Variants in SEC14L4 observed in about 807,000 individuals in gnomAD.
SEC14L4 encodes SEC14 like lipid binding 4.
A neutral mutation model predicts 55.1 loss-of-function variants in SEC14L4; 42 were observed. That is an observed-to-expected ratio of 0.76 (90% CI 0.60 to 0.99). SEC14L4 has a LOEUF of 0.99. SEC14L4 is among the 50% of genes least tolerant of loss of function. The pLI is 0.00. For missense variants in SEC14L4, 445 were observed against 512.1 expected, an observed-to-expected ratio of 0.87 and a Z score of 1.27; for synonymous variants, 206 against 206.8, an observed-to-expected ratio of 1.00 and a Z score of 0.03.
intron 2 of SEC14L4, among the ~76,000 whole-genome samples, chr22:30,499,646 C>T (rs998371858): frequency 2.6e-5 from 4 of 151,076 alleles, no homozygotes; most frequent in African/African-American, 7.3e-5. Flanking sequence ...GGCTGAGGCA[C>T]GAGAATCACT....
chr22:30,494,172 C>T lies in SEC14L4; in HGVS notation c.558G>A (p.Leu186=). ...SILEANYPET[L]KNLIVIRAPK... ...TACCTCGAATAACAATTAAATTCTTCAGGGTCTCAGGATAATTTGCTTCCA... is the reference window on the plus strand; with the variant it reads ...TACCTCGAATAACAATTAAATTCTTTAGGGTCTCAGGATAATTTGCTTCCA... Residue 186 remains leucine (L), a synonymous_variant, in exon 7 of 12, where the codon CTG becomes CTA. Transcript: ENST00000255858. 6.2e-7 allele frequency: 1 copy of T among 1,613,818 alleles called. No individual in the cohort carries two copies. Among genetic ancestry groups the T allele is most frequent in the South Asian group, 1.1e-5 (1 of 91,072 alleles).
At chr22:30,495,808 C>T (rs1273303872) in intron 3 of SEC14L4, 120 bp downstream of exon 3, 15 of 1,589,880 alleles carry the variant, frequency 9.4e-6, no homozygotes, top group East Asian at 2.2e-5. Flanking sequence ...AGAAAGAGAT[C>T]GGGGGAGGAA....
Position 30,492,460 on chromosome 22 carries a change from G to A in SEC14L4, c.664+14C>T. ...CCAGGCAGATGGACACAACCAGGGGGCCACGTCGCTCACCTCCCAGAATCA... is the reference window on the plus strand; with the variant it reads ...CCAGGCAGATGGACACAACCAGGGGACCACGTCGCTCACCTCCCAGAATCA... On this transcript the variant is annotated intron_variant, in intron 8 of 11. Coordinates refer to ENST00000255858, the MANE Select transcript of SEC14L4 (RefSeq NM_174977.4). 3.1e-6 allele frequency: 5 copies of A among 1,607,892 alleles called. No individual in the cohort carries two copies. The highest frequency in any genetic ancestry group is 4.3e-6 in the Non-Finnish European group (5 of 1,174,354).
rs898869609 is a variant in SEC14L4 at position 30,496,567 on chromosome 22, C to CCG, written c.131-597_131-596insCG. Among the ~76,000 whole-genome samples, 120 of 152,210 alleles carry CCG rather than the reference C, an allele frequency of 7.9e-4. 1 individual carries two copies. Among genetic ancestry groups the CCG allele is most frequent in the South Asian group, 2.7e-3 (13 of 4,814 alleles). On this transcript the variant is annotated intron_variant, in intron 2 of 11. Transcript: ENST00000255858. Reference sequence around the variant, plus strand: ...TCCCTCAGGAAGCAGAGACACCCCCCCCCACCACCTGCACAGTGTTAGGGT... The same window carrying CCG: ...TCCCTCAGGAAGCAGAGACACCCCCCCGCCCACCACCTGCACAGTGTTAGGGT...
At position 30,495,423 on chromosome 22, in the gene SEC14L4, G is replaced by A. The variant is rs145663781; in HGVS notation, c.254C>T (p.Ser85Leu). Residue 85 changes from serine (S) to leucine (L), a missense_variant, in exon 5 of 12, where the codon TCG becomes TTG. Coordinates refer to ENST00000255858, the MANE Select transcript of SEC14L4 (RefSeq NM_174977.4). The stretch of plus-strand genomic sequence containing the variant: ...GTAGTCGTAGCCACAAAGACCACCC[G>A]AGTCATACAGCTGGATGACCTGGAA... ...QPPEVIQLYD[S>L]GGLCGYDYEG... is the part of the protein sequence containing the mutation. 5.3e-5 allele frequency: 85 copies of A among 1,613,588 alleles called. No homozygotes were observed. The highest frequency in any genetic ancestry group is 3.9e-4 in the African/African-American group (29 of 74,914).
chr22:30,495,647 A>G lies in SEC14L4; in HGVS notation c.175-5T>C. 2 of 1,614,086 alleles carry G rather than the reference A, an allele frequency of 1.2e-6. No homozygotes were observed. Among genetic ancestry groups the G allele is most frequent in the Middle Eastern group, 1.6e-4 (1 of 6,062 alleles). Reference sequence around the variant, plus strand: ...TTGCTTCCGGAACTCCATGTGCTGCAGGAACACAGCAGGAGCTATAGGATT... The same window carrying G: ...TTGCTTCCGGAACTCCATGTGCTGCGGGAACACAGCAGGAGCTATAGGATT... On this transcript the variant is annotated splice_polypyrimidine_tract_variant and splice_region_variant and intron_variant, in intron 3 of 11. Transcript: ENST00000255858.
In SEC14L4 at chr22:30,491,731, G is replaced by T; in HGVS notation, c.923C>A (p.Ala308Asp). Residue 308 changes from alanine to aspartate, a missense_variant, in exon 11 of 12, where the codon GCT becomes GAT. Ala to Asp is a moderately radical substitution (Grantham distance 126, BLOSUM62 -2). Transcript: ENST00000255858. ...FPGCVLRWQF[A>D]SDGGDIGFGV... ...AAAGCCGATGTCCCCACCATCTGAA[G>T]CAAACTGCCACCTGCAGTGGATAGA... is the stretch of plus-strand genomic sequence containing the variant. 6.2e-7 allele frequency: 1 copy of T among 1,614,110 alleles called. No homozygotes were observed. Among genetic ancestry groups the T allele is most frequent in the Non-Finnish European group, 8.5e-7 (1 of 1,179,994 alleles).
At chr22:30,494,504 A>G (rs545982176) in intron 6 of SEC14L4, among the ~76,000 whole-genome samples, 1 of 152,230 alleles carries the variant, frequency 6.6e-6, no homozygotes, top group East Asian at 1.9e-4. Flanking sequence ...AGTATCTAGG[A>G]CTACAGGCAC....
Position 30,494,900 on chromosome 22 carries a change from T to C in SEC14L4, c.485A>G (p.His162Arg). ...GACCTCCACAGCTGGCTTCCACAGG[T>C]GTTTCAGGCTCAGCCCCTCCATGTC... Reference protein sequence around the residue: ...VFDMEGLSLKHLWKPAVEVYQ... With the variant: ...VFDMEGLSLKRLWKPAVEVYQ... Residue 162 changes from histidine (H) to arginine (R), a missense_variant, in exon 6 of 12, where the codon CAC becomes CGC. Coordinates refer to ENST00000255858, the MANE Select transcript of SEC14L4 (RefSeq NM_174977.4). The C allele has an allele frequency of 6.2e-7, 1 of 1,613,406 alleles. No individual in the cohort carries two copies.
chr22:30,503,511 C>T (rs1409954574), intron 2 of SEC14L4, among the ~76,000 whole-genome samples, 166 bp downstream of exon 2: 1 of 152,124 alleles, frequency 6.6e-6, no homozygotes, highest in African/African-American at 2.4e-5. Flanking sequence ...GATCTGCCTG[C>T]CTCGGCCTCC....
intron 8 of SEC14L4, 119 bp downstream of exon 8, chr22:30,492,355 A>C: frequency 8.5e-7 from 1 of 1,170,812 alleles, no homozygotes; most frequent in South Asian, 1.3e-5. Context: ...GTGGAGGCTC[A>C]CCAGGGTCAG....
chr22:30,501,026 G>A (rs896167573), intron 2 of SEC14L4, among the ~76,000 whole-genome samples: 5 of 151,744 alleles, frequency 3.3e-5, no homozygotes, highest in African/African-American at 1.2e-4. Context: ...GTGAGACCCT[G>A]TGACCCTGTG....
Position 30,490,122 on chromosome 22 carries a change from G to A in SEC14L4, c.1206C>T (p.Pro402=), listed in dbSNP as rs1166285777. The A allele has an allele frequency of 9.3e-6, 15 of 1,613,946 alleles. No individual in the cohort carries two copies. Among genetic ancestry groups the A allele is most frequent in the Non-Finnish European group, 1.3e-5 (15 of 1,179,958 alleles). Residue 402 remains proline, a synonymous_variant, in exon 12 of 12, where the codon CCC becomes CCT. Coordinates refer to ENST00000255858, the MANE Select transcript of SEC14L4 (RefSeq NM_174977.4). ...ETLQSLKAMR[P]SPTQ is the part of the protein sequence containing the mutation. The stretch of plus-strand genomic sequence containing the variant: ...GCTGGGGTCTTCACTGTGTTGGGGA[G>A]GGTCTCATCGCCTTGAGACTCTGCA...
At chr22:30,501,876 C>G (rs5753174) in intron 2 of SEC14L4, among the ~76,000 whole-genome samples, 1 of 99,010 alleles carries the variant, frequency 1.0e-5, no homozygotes, top group Non-Finnish European at 2.1e-5. Flanking sequence ...TATATATATA[C>G]ATACACATAC....
At chr22:30,496,651 C>G (rs775350691) in intron 2 of SEC14L4, among the ~76,000 whole-genome samples, 22 of 152,088 alleles carry the variant, frequency 1.4e-4, no homozygotes, top group Non-Finnish European at 2.9e-4. Context: ...TAGTGTTGCC[C>G]TTTTATTTCC....
chr22:30,491,904 T>A lies in SEC14L4; in HGVS notation c.841A>T (p.Thr281Ser). The A allele has an allele frequency of 1.2e-6, 2 of 1,613,752 alleles. No homozygotes were observed. Among genetic ancestry groups the A allele is most frequent in the South Asian group, 1.1e-5 (1 of 91,038 alleles). The part of the protein sequence containing the change: ...CEQVRLQYEH[T>S]RSVGRGSSLQ... ...GAGGAGCCGCGGCCCACGGACCTCG[T>A]GTGCTCATACTGCAGCCTCACCTGC... is the stretch of plus-strand genomic sequence containing the variant. Residue 281 changes from threonine (T) to serine (S), a missense_variant, in exon 10 of 12, where the codon ACG becomes TCG. By Grantham distance (58) the Thr-to-Ser change is moderately conservative. Transcript: ENST00000255858.
At chr22:30,492,645 G>A (rs921022378) in intron 7 of SEC14L4, 88 bp from the exon 8 acceptor site, 6 of 1,017,582 alleles carry the variant, frequency 5.9e-6, no homozygotes, top group Non-Finnish European at 9.3e-6. Flanking sequence ...CTGGACAGGA[G>A]GTGGACAGAT....
chr22:30,498,947 A>ATTT (rs201663766), intron 2 of SEC14L4, among the ~76,000 whole-genome samples: 1 of 151,204 alleles, frequency 6.6e-6, no homozygotes, highest in South Asian at 2.1e-4. Context: ...TATTATTATT[A>ATTT]TTATTATTTT....
At chr22:30,503,172 G>C (rs1936383265) in intron 2 of SEC14L4, among the ~76,000 whole-genome samples, 1 of 152,208 alleles carries the variant, frequency 6.6e-6, no homozygotes, top group Non-Finnish European at 1.5e-5. Flanking sequence ...TGAAGAAACT[G>C]AGGCTCAGTG....
Sources: allele counts gnomAD v4.1 joint callset (sites outside exome capture counted in the v4.1 genomes callset), GRCh38; gene constraint gnomAD v4.1.1; transcripts MANE v1.5; gene names NCBI Gene and HGNC (gene_info 2026-07-23, HGNC 2026-07-21).